The following NAA16 variants were observed in gnomAD, a reference collection of about 807,000 sequenced individuals.
NAA16 encodes the protein NARG1-like protein.
NAA16 carries 97 observed loss-of-function variants against 110.3 expected under a neutral mutation model. The ratio of observed to expected loss-of-function variants is 0.88; its 90% CI spans 0.75 to 1.04. The LOEUF is 1.04. Ranked by LOEUF, NAA16 falls within the 50% of genes least tolerant of loss-of-function variation. The pLI is 0.00. For missense variants in NAA16, 1,017 were observed against 1,005.1 expected (o/e 1.01, Z -0.16); for synonymous variants, 372 against 330.6 (o/e 1.13, Z -1.36).
At chr13:41,362,185 G>A (rs1395262404) in intron 13 of NAA16, 26 bp downstream of exon 13, 1 of 1,584,282 alleles carries the variant, frequency 6.3e-7, no homozygotes, top group East Asian at 2.3e-5. Context: ...TTCGACTTCA[G>A]TTTTCACTGT....
rs2041930808 is a variant in NAA16, at chr13:41,320,970, CAGTCATAGTT to C, written c.402+147_402+156del. On this transcript the variant is annotated intron_variant, in intron 4 of 19. Coordinates refer to ENST00000379406, the MANE Select transcript of NAA16 (RefSeq NM_024561.5). The stretch of plus-strand genomic sequence containing the variant: ...GTATGTCGCTTGGGACCTTCCTTCT[CAGTCATAGTT>C]GTGGCACTTTGTACTTGAGTATTCA... The C allele has an allele frequency of 8.9e-6, 6 of 676,742 alleles. No homozygotes were observed. The South Asian group carries it at 9.4e-5, about 11-fold the overall frequency. 41.9% of individuals were successfully genotyped at this position (676,742 alleles called of 1,614,324 possible). A position where few individuals can be genotyped will look rare whatever the true frequency, so the allele number is the denominator to read the frequency against.
intron 9 of NAA16, among the ~76,000 whole-genome samples, chr13:41,353,030 T>C (rs1189279345): frequency 1.3e-5 from 2 of 152,072 alleles, no homozygotes; most frequent in African/African-American, 4.8e-5. Context: ...GGCAGAGAAT[T>C]GCTTGAACCC....
At chr13:41,324,363 C>CTTTTTTTTTTTTTT (rs71086562) in intron 5 of NAA16, among the ~76,000 whole-genome samples, 1 of 66,060 alleles carries the variant, frequency 1.5e-5, no homozygotes, top group Non-Finnish European at 2.7e-5. Context: ...TTCTTTCTTT[C>CTTTTTTTTTTTTTT]TTTTTTTTTT....
chr13:41,374,688 C>A, intron 18 of NAA16, 54 bp from the exon 19 acceptor site: 1 of 1,178,660 alleles, frequency 8.5e-7, no homozygotes, highest in Non-Finnish European at 1.2e-6. Context: ...GTTGATATCA[C>A]ATAAAATGTA....
intron 9 of NAA16, among the ~76,000 whole-genome samples, chr13:41,345,710 G>C (rs912911360): frequency 6.6e-6 from 1 of 152,056 alleles, no homozygotes; most frequent in Non-Finnish European, 1.5e-5. Flanking sequence ...CACTTCCTGA[G>C]TATCTGGGAC....
chr13:41,363,501 CTTTG>C (rs1353907363), intron 13 of NAA16, among the ~76,000 whole-genome samples: 2 of 151,996 alleles, frequency 1.3e-5, no homozygotes, highest in Non-Finnish European at 2.9e-5. Context: ...GACTATATTG[CTTTG>C]TTTTTTAAAA....
chr13:41,365,069 A>T (rs764342472), intron 13 of NAA16, among the ~76,000 whole-genome samples: 6 of 152,188 alleles, frequency 3.9e-5, no homozygotes, highest in Admixed American at 6.5e-5. Context: ...GTATGTTAAG[A>T]TTTGAATACG....
chr13:41,372,123 A>T (rs912425733), intron 15 of NAA16, 80 bp from the exon 16 acceptor site: 2 of 1,151,722 alleles, frequency 1.7e-6, no homozygotes, highest in African/African-American at 1.6e-5. Flanking sequence ...TACTTTAGAC[A>T]TATGTTAATA....
At chr13:41,355,515 C>T (rs565178325) in intron 10 of NAA16, among the ~76,000 whole-genome samples, 4 of 152,242 alleles carry the variant, frequency 2.6e-5, no homozygotes, top group Non-Finnish European at 4.4e-5. Flanking sequence ...CTGCAACCTC[C>T]GCCTCCTGGG....
rs2041552370 is a variant in NAA16, at chr13:41,311,438, G to A, written c.-91G>A. 2.4e-6 allele frequency: 3 copies of A among 1,266,382 alleles called. No individual in the cohort carries two copies. The highest frequency in any genetic ancestry group is 5.1e-5 in the East Asian group (2 of 39,370). The allele number at this position is 1,266,382 out of a possible 1,614,324, so 78.4% of individuals were successfully genotyped here. A position where few individuals can be genotyped will look rare whatever the true frequency, so the allele number is the denominator to read the frequency against. On this transcript the variant is annotated 5_prime_UTR_variant, in exon 1 of 20. Coordinates refer to ENST00000379406, the MANE Select transcript of NAA16 (RefSeq NM_024561.5). ...TCCATCGCCCGCAGCCCGACTCTCA[G>A]CAGCGGTTCGTCCCGGTGCCCACCC... is the stretch of plus-strand genomic sequence containing the variant.
intron 8 of NAA16, 146 bp from the exon 9 acceptor site, chr13:41,336,504 A>G: frequency 1.8e-6 from 1 of 551,014 alleles, no homozygotes; most frequent in South Asian, 2.5e-5. Context: ...ATAGTTGATA[A>G]CTTTTACTTA....
At chr13:41,374,518 A>G (rs2139523132) in intron 18 of NAA16, 1 of 350,892 alleles carries the variant, frequency 2.8e-6, no homozygotes, top group Non-Finnish European at 5.2e-6. Flanking sequence ...TTTGTAGTGT[A>G]TTTTCATGAT....
chr13:41,360,733 A>G (rs1300511431), intron 12 of NAA16, among the ~76,000 whole-genome samples: 1 of 152,230 alleles, frequency 6.6e-6, no homozygotes, highest in Non-Finnish European at 1.5e-5. Context: ...TAATCAGGAT[A>G]TATCTGCTTA....
chr13:41,318,001 C>T (rs9532784), intron 2 of NAA16, among the ~76,000 whole-genome samples: 108,653 of 152,058 alleles, frequency 0.71, 41,211 homozygotes, highest in South Asian at 0.9. Flanking sequence ...TTGGAATAAA[C>T]TTGCTATCAA....
intron 1 of NAA16, among the ~76,000 whole-genome samples, 194 bp from the exon 2 acceptor site, chr13:41,316,652 T>C (rs1367713760): frequency 6.6e-6 from 1 of 152,142 alleles, no homozygotes; most frequent in Non-Finnish European, 1.5e-5. Flanking sequence ...TTTATAAAAA[T>C]GAAAATATGT....
rs1469035635 is a variant in NAA16, at chr13:41,367,581, C to T, written c.1682C>T (p.Ala561Val). The T allele has an allele frequency of 1.9e-6, 3 of 1,612,812 alleles. No individual in the cohort carries two copies. Among genetic ancestry groups the T allele is most frequent in the South Asian group, 1.1e-5 (1 of 91,030 alleles). ...HAFYFKAARS[A>V]IEIYLKLYDN... is the part of the protein sequence containing the mutation. Reference sequence around the variant, plus strand: ...TTTTATTTCAAGGCTGCTAGATCAGCGATTGAAATATACTTGAAATTGTAT... The same window carrying T: ...TTTTATTTCAAGGCTGCTAGATCAGTGATTGAAATATACTTGAAATTGTAT... Residue 561 changes from alanine (A) to valine (V), a missense_variant, in exon 14 of 20, where the codon GCG becomes GTG. Transcript: ENST00000379406.
intron 17 of NAA16, 133 bp downstream of exon 17, chr13:41,372,963 C>T: frequency 8.8e-7 from 1 of 1,132,216 alleles, no homozygotes; most frequent in Non-Finnish European, 1.1e-6. Flanking sequence ...TTTGTATTTT[C>T]ATGATACAAA....
chr13:41,327,554 G>A (rs1453578347), intron 6 of NAA16, among the ~76,000 whole-genome samples: 1 of 151,794 alleles, frequency 6.6e-6, no homozygotes, highest in Non-Finnish European at 1.5e-5. Flanking sequence ...AGTAAATATG[G>A]TACAGTGAAA....
At chr13:41,318,651 AC>A (rs2139372177) in intron 2 of NAA16, among the ~76,000 whole-genome samples, 154 bp from the exon 3 acceptor site, 1 of 152,360 alleles carries the variant, frequency 6.6e-6, no homozygotes, top group African/African-American at 2.4e-5. Flanking sequence ...ATGTAGTTTT[AC>A]TTTTTCTACT....
Sources: gnomAD v4.1 joint callset for allele counts (sites outside exome capture counted in the v4.1 genomes callset) on GRCh38, gnomAD v4.1.1 for gene constraint, MANE v1.5 for transcripts, NCBI Gene and HGNC (gene_info 2026-07-23, HGNC 2026-07-21) for gene names.